GRIP1: variants seen among roughly 807,000 people sequenced by gnomAD.
The protein encoded by GRIP1 is glutamate receptor-interacting protein 1.
In GRIP1, 45 loss-of-function variants were observed where a neutral mutation model predicts 129.9. The ratio of observed to expected loss-of-function variants is 0.35; its 90% CI spans 0.27 to 0.44. The LOEUF is 0.44. Among genes scored for constraint, GRIP1 ranks in the 20% least tolerant of loss-of-function variants. The pLI is 1.00. For missense variants in GRIP1, 1,196 were observed against 1,396.8 expected (o/e 0.86, Z 2.29); for synonymous variants, 530 against 520.8 (o/e 1.02, Z -0.24).
At chr12:66,947,414 A>G (rs1261121234) in intron 1 of GRIP1, among the ~76,000 whole-genome samples, 2 of 152,212 alleles carry the variant, frequency 1.3e-5, no homozygotes, top group African/African-American at 4.8e-5. Flanking sequence ...TATTTAGAAG[A>G]TGATGCTCAT....
chr12:66,788,161 C>G (rs1235308313), intron 1 of GRIP1, among the ~76,000 whole-genome samples: 3 of 151,906 alleles, frequency 2.0e-5, no homozygotes, highest in Non-Finnish European at 2.9e-5. Context: ...GAGAACAGAA[C>G]AGAATTCTGC....
chr12:66,774,154 G>A (rs1162093241), intron 1 of GRIP1, among the ~76,000 whole-genome samples: 2 of 152,098 alleles, frequency 1.3e-5, no homozygotes, highest in African/African-American at 2.4e-5. Context: ...GACTTTCAGG[G>A]CCACCATATA....
chr12:66,351,025 T>C (rs955147982), intron 24 of GRIP1, among the ~76,000 whole-genome samples: 4 of 152,238 alleles, frequency 2.6e-5, no homozygotes, highest in Admixed American at 2.6e-4. Flanking sequence ...AGAAGGTAAG[T>C]AACTTGTCCA....
intron 19 of GRIP1, among the ~76,000 whole-genome samples, chr12:66,382,601 A>C (rs2056163998): frequency 6.6e-6 from 1 of 152,216 alleles, no homozygotes; most frequent in African/African-American, 2.4e-5. Flanking sequence ...CTATATACTA[A>C]GCCCTTCAAC....
intron 1 of GRIP1, among the ~76,000 whole-genome samples, chr12:66,821,955 G>C (rs2039327753): frequency 6.6e-6 from 1 of 152,056 alleles, no homozygotes; most frequent in South Asian, 2.1e-4. Context: ...AGCATACCTT[G>C]GACCAGAAAT....
chr12:66,990,313 G>A (rs1467111849), intron 1 of GRIP1, among the ~76,000 whole-genome samples: 1 of 152,158 alleles, frequency 6.6e-6, no homozygotes, highest in African/African-American at 2.4e-5. Context: ...CTGATAAATA[G>A]TATGGTTTGT....
chr12:67,044,018 A>G (rs1280921630), intron 1 of GRIP1, among the ~76,000 whole-genome samples: 1 of 152,178 alleles, frequency 6.6e-6, no homozygotes, highest in Non-Finnish European at 1.5e-5. Context: ...GCTGACCCTG[A>G]GAGAACCTTT....
chr12:66,736,370 T>TAGGA (rs1189846055), intron 1 of GRIP1, among the ~76,000 whole-genome samples: 13 of 98,398 alleles, frequency 1.3e-4, no homozygotes, highest in Non-Finnish European at 2.5e-4. Flanking sequence ...TTTTTTTTTT[T>TAGGA]TTTTTTTTTT....
intron 1 of GRIP1, among the ~76,000 whole-genome samples, chr12:66,628,812 T>G (rs528529240): frequency 6.6e-6 from 1 of 152,188 alleles, no homozygotes; most frequent in Non-Finnish European, 1.5e-5. Context: ...CAGCAAAGAA[T>G]GATCCGGCCC....
At chr12:66,885,398 A>G (rs529556128) in intron 1 of GRIP1, among the ~76,000 whole-genome samples, 42 of 152,294 alleles carry the variant, frequency 2.8e-4, no homozygotes, top group African/African-American at 9.4e-4. Flanking sequence ...GCTGCCGGCC[A>G]ATGTGCTATT....
chr12:66,473,454 C>T (rs1406992188), intron 7 of GRIP1, among the ~76,000 whole-genome samples: 1 of 152,222 alleles, frequency 6.6e-6, no homozygotes, highest in Non-Finnish European at 1.5e-5. Context: ...CAGCAGATCT[C>T]CCAGCACAGT....
At chr12:66,630,943 T>C (rs931475194) in intron 1 of GRIP1, among the ~76,000 whole-genome samples, 3 of 152,124 alleles carry the variant, frequency 2.0e-5, no homozygotes, top group Non-Finnish European at 2.9e-5. Flanking sequence ...AATAAAACTT[T>C]TTTTTTTTGG....
chr12:66,569,468 C>T (rs1351427818), intron 2 of GRIP1, among the ~76,000 whole-genome samples: 1 of 150,570 alleles, frequency 6.6e-6, no homozygotes, highest in Admixed American at 6.6e-5. Context: ...CAGAGTGAGA[C>T]TTCGTCTGAA....
chr12:66,355,226 G>C (rs1228754162), intron 23 of GRIP1, among the ~76,000 whole-genome samples: 1 of 152,142 alleles, frequency 6.6e-6, no homozygotes, highest in Non-Finnish European at 1.5e-5. Context: ...GTGCATGTGT[G>C]TGTGTGTGTG....
intron 1 of GRIP1, among the ~76,000 whole-genome samples, chr12:67,052,633 G>A (rs2043364442): frequency 6.6e-6 from 1 of 152,060 alleles, no homozygotes; most frequent in South Asian, 2.1e-4. Flanking sequence ...GGTGGCGGGT[G>A]CCTGTAGTCC....
At chr12:66,394,146 G>T in intron 17 of GRIP1, 62 bp downstream of exon 17, 3 of 1,433,756 alleles carry the variant, frequency 2.1e-6, no homozygotes, top group Non-Finnish European at 3.0e-6. Context: ...GTTTTTATGT[G>T]GTTGTGAGGA....
chr12:66,808,685 C>T (rs2039045761), upstream of GRIP1, among the ~76,000 whole-genome samples: 2 of 152,034 alleles, frequency 1.3e-5, no homozygotes, highest in African/African-American at 2.4e-5. Context: ...CTTGAAATAG[C>T]AAAAGATTTG....
chr12:66,599,926 T>C (rs563808534), intron 1 of GRIP1, among the ~76,000 whole-genome samples: 68 of 152,296 alleles, frequency 4.5e-4, no homozygotes, highest in African/African-American at 1.6e-3. Flanking sequence ...TTATTTCCTT[T>C]TAGATAGACA....
At chr12:66,969,134 C>T (rs566315480) in intron 1 of GRIP1, among the ~76,000 whole-genome samples, 2 of 152,124 alleles carry the variant, frequency 1.3e-5, no homozygotes, top group Non-Finnish European at 2.9e-5. Context: ...AACCCCAGGG[C>T]TTCTTTCAAG....
Sources: gnomAD v4.1 joint callset for allele counts (sites outside exome capture counted in the v4.1 genomes callset) on GRCh38, gnomAD v4.1.1 for gene constraint, MANE v1.5 for transcripts, NCBI Gene and HGNC (gene_info 2026-07-23, HGNC 2026-07-21) for gene names.